SSBP3: variants seen among roughly 807,000 people sequenced by gnomAD.
The protein encoded by SSBP3 is single stranded DNA binding protein 3.
In SSBP3, 5 loss-of-function variants were observed where a neutral mutation model predicts 69.6. That is an observed-to-expected ratio of 0.07 (90% CI 0.04 to 0.15). The LOEUF (loss-of-function observed/expected upper bound fraction) is 0.15. Among genes scored for constraint, SSBP3 ranks in the 10% least tolerant of loss-of-function variants. The pLI, the probability that SSBP3 is intolerant of heterozygous loss-of-function variation, is 1.00. For missense variants in SSBP3, 312 were observed against 534.0 expected, an observed-to-expected ratio of 0.58 and a Z score of 4.10; for synonymous variants, 196 against 193.4, an observed-to-expected ratio of 1.01 and a Z score of -0.11.
intron 14 of SSBP3, 104 bp downstream of exon 14, chr1:54,239,025 A>G: frequency 1.0e-6 from 1 of 961,472 alleles, no homozygotes; most frequent in Non-Finnish European, 1.6e-6. Context: ...CATCTTTGGT[A>G]ACAAATGGCT....
At chr1:54,346,009 A>G (rs1423666949) in intron 4 of SSBP3, among the ~76,000 whole-genome samples, 7 of 151,940 alleles carry the variant, frequency 4.6e-5, no homozygotes, top group Non-Finnish European at 1.0e-4. Context: ...ACAAAACAAA[A>G]ACAATTAGCC....
chr1:54,336,077 A>C (rs1014565323), intron 4 of SSBP3, among the ~76,000 whole-genome samples: 3 of 152,244 alleles, frequency 2.0e-5, no homozygotes, highest in Non-Finnish European at 4.4e-5. Flanking sequence ...TGCAGAAAGA[A>C]GGGAATAAAC....
intron 14 of SSBP3, 77 bp downstream of exon 14, chr1:54,239,052 G>A (rs779503595): frequency 2.8e-5 from 35 of 1,241,588 alleles, no homozygotes; most frequent in Admixed American, 1.8e-5. Context: ...AATTAAACTT[G>A]CTTTCCCCTC....
intron 5 of SSBP3, among the ~76,000 whole-genome samples, chr1:54,274,874 C>T (rs539297381): frequency 6.6e-6 from 1 of 152,272 alleles, no homozygotes; most frequent in South Asian, 2.1e-4. Context: ...CCCTGCCACC[C>T]CAAACTTGCC....
intron 7 of SSBP3, among the ~76,000 whole-genome samples, chr1:54,253,533 G>A (rs982885739): frequency 2.6e-5 from 4 of 152,112 alleles, no homozygotes; most frequent in African/African-American, 7.2e-5. Flanking sequence ...GTCTGCCTGG[G>A]GGTGCTCAGC....
chr1:54,257,469 A>C (rs1284616444), intron 6 of SSBP3, among the ~76,000 whole-genome samples: 1 of 152,116 alleles, frequency 6.6e-6, no homozygotes, highest in Non-Finnish European at 1.5e-5. Context: ...AAAACAGTTA[A>C]ATCAACGCAG....
At chr1:54,247,017 G>C (rs1430788419) in intron 9 of SSBP3, among the ~76,000 whole-genome samples, 1 of 152,246 alleles carries the variant, frequency 6.6e-6, no homozygotes, top group African/African-American at 2.4e-5. Context: ...TGCAGGGGCA[G>C]GGACAGCTGG....
chr1:54,288,629 AG>A (rs1329043975), intron 4 of SSBP3, among the ~76,000 whole-genome samples: 1 of 151,890 alleles, frequency 6.6e-6, no homozygotes, highest in Non-Finnish European at 1.5e-5. Context: ...ATCGCTGGGA[AG>A]ATGTCATTTC....
chr1:54,406,099 C>A (rs1288482686), exon 1 of SSBP3: 4 of 1,088,648 alleles, frequency 3.7e-6, no homozygotes, highest in Admixed American at 4.1e-5. Flanking sequence ...TCGCTCCCGG[C>A]CCCCTCCCCG....
At chr1:54,269,660 A>C (rs1434304500) in intron 5 of SSBP3, among the ~76,000 whole-genome samples, 1 of 152,254 alleles carries the variant, frequency 6.6e-6, no homozygotes, top group African/African-American at 2.4e-5. Flanking sequence ...GAGAGGGAAG[A>C]AGCTTCAAGA....
chr1:54,310,328 G>C (rs183653262), intron 4 of SSBP3, among the ~76,000 whole-genome samples: 253 of 152,162 alleles, frequency 1.7e-3, no homozygotes, highest in African/African-American at 5.8e-3. Context: ...CAGGAGGAGA[G>C]CTCTTTTAAA....
intron 5 of SSBP3, among the ~76,000 whole-genome samples, chr1:54,268,087 A>G (rs1035775509): frequency 6.6e-6 from 1 of 152,136 alleles, no homozygotes; most frequent in Non-Finnish European, 1.5e-5. Context: ...CCACGGGGAG[A>G]GTCCAGACAG....
chr1:54,240,079 TGTGTGTGTGCGCGCGCGCGCGTGTGC>T (rs1410772142), intron 13 of SSBP3, among the ~76,000 whole-genome samples: 1 of 32,734 alleles, frequency 3.1e-5, no homozygotes. Context: ...TGTGTGTGTG[TGTGTGTGTGCGCGCGCGCGCGTGTGC>T]GTGCGCGCGC....
chr1:54,228,470 G>A lies in SSBP3; in HGVS notation c.1014C>T (p.Gly338=), dbSNP rs773511537. 42 of 1,614,078 alleles carry A rather than the reference G, an allele frequency of 2.6e-5. No individual in the cohort carries two copies. In the Admixed American group the frequency reaches 3.7e-4, roughly 14 times the overall value. ...TCACTTTTGGAAGTCCGTCTATGTC[G>A]CCTGACCCTGGAAAGAAAAAATAAT... Residue 338 remains glycine, a synonymous_variant, in exon 16 of 18, where the codon GGC becomes GGT. Transcript: ENST00000610401.
Position 54,244,211 on chromosome 1 carries a change from C to G in SSBP3, c.652-912G>C, listed in dbSNP as rs201315574. ...CTCCACCTCCCAGGTTCAAGCGATT[C>G]TCATTACTCAGCCTCCCAAGTAGCT... On this transcript the variant is annotated intron_variant, in intron 9 of 17. Coordinates refer to ENST00000610401, the Ensembl canonical transcript of SSBP3. Among the ~76,000 whole-genome samples the G allele has an allele frequency of 2.6e-5, 4 of 152,106 alleles. No individual in the cohort carries two copies. In the East Asian group the frequency reaches 7.7e-4, roughly 29 times the overall value.
At chr1:54,396,515 C>T (rs905278145) in intron 4 of SSBP3, among the ~76,000 whole-genome samples, 1 of 152,150 alleles carries the variant, frequency 6.6e-6, no homozygotes, top group African/African-American at 2.4e-5. Flanking sequence ...CACACACTCA[C>T]ATACAGAGGC....
At chr1:54,389,901 T>A (rs77728825) in intron 4 of SSBP3, among the ~76,000 whole-genome samples, 3 of 151,400 alleles carry the variant, frequency 2.0e-5, no homozygotes, top group African/African-American at 7.3e-5. Context: ...TTTTTTTTTT[T>A]AAATTAAGAA....
chr1:54,241,823 C>A (rs1368626701), intron 11 of SSBP3, among the ~76,000 whole-genome samples: 4 of 152,246 alleles, frequency 2.6e-5, no homozygotes, highest in Non-Finnish European at 5.9e-5. Flanking sequence ...CTGGCCTTCA[C>A]CCCACTGTCT....
chr1:54,395,657 G>A (rs1007152419), intron 4 of SSBP3, among the ~76,000 whole-genome samples: 1 of 152,154 alleles, frequency 6.6e-6, no homozygotes, highest in African/African-American at 2.4e-5. Context: ...CAACCACTAT[G>A]CAAAGGAATC....
Sources: gnomAD v4.1 joint callset for allele counts (sites outside exome capture counted in the v4.1 genomes callset) on GRCh38, gnomAD v4.1.1 for gene constraint, MANE v1.5 for transcripts, NCBI Gene and HGNC (gene_info 2026-07-23, HGNC 2026-07-21) for gene names.